Variants in TRERF1 observed in about 807,000 individuals in gnomAD.
TRERF1 encodes transcriptional-regulating factor 1.
Under a neutral mutation model 122.9 loss-of-function variants are expected in TRERF1, and 27 were observed. The ratio of observed to expected loss-of-function variants is 0.22; its 90% CI spans 0.16 to 0.30. The LOEUF is 0.30. Among genes scored for constraint, TRERF1 ranks in the 10% least tolerant of loss-of-function variants. The probability of loss-of-function intolerance (pLI) is 1.00; values close to 1 mark genes in which losing one functional copy is unlikely to be tolerated. For synonymous variants in TRERF1, 636 were observed against 641.7 expected (o/e 0.99, Z 0.13); for missense variants, 1,248 against 1,560.3 (o/e 0.80, Z 3.37).
intron 14 of TRERF1, 111 bp from the exon 15 acceptor site, chr6:42,243,472 T>C: frequency 1.4e-6 from 1 of 726,948 alleles, no homozygotes; most frequent in Non-Finnish European, 2.3e-6. Flanking sequence ...GTTTGTACAG[T>C]TCAAGAAAAA....
intron 2 of TRERF1, among the ~76,000 whole-genome samples, chr6:42,399,497 C>T (rs1244327610): frequency 2.6e-5 from 4 of 152,132 alleles, no homozygotes; most frequent in African/African-American, 9.7e-5. Context: ...GAAGCCAACA[C>T]CCAAATGCCA....
chr6:42,315,715 C>G (rs1006446242), intron 3 of TRERF1, among the ~76,000 whole-genome samples: 1 of 149,910 alleles, frequency 6.7e-6, no homozygotes, highest in Admixed American at 6.6e-5. Flanking sequence ...CACCCCCCCC[C>G]CCACCCACTG....
chr6:42,349,916 T>G (rs928029019), intron 3 of TRERF1, among the ~76,000 whole-genome samples: 6 of 152,226 alleles, frequency 3.9e-5, no homozygotes. Flanking sequence ...GCTGAAAATC[T>G]AATTTGGGAT....
rs2150060905 is a variant in TRERF1 at position 42,282,983 on chromosome 6, AC to A, written c.-258-13136del. ...TAACATTGACCTCACAGCCAACAGT[AC>A]TACAACTAATGCCTGAAAGGAGCTT... On this transcript the variant is annotated intron_variant, in intron 4 of 17. Transcript: ENST00000372922. Among the ~76,000 whole-genome samples the A allele has an allele frequency of 1.3e-5, 2 of 152,322 alleles. 1 individual carries two copies. The highest frequency in any genetic ancestry group is 4.1e-4 in the South Asian group (2 of 4,820).
At chr6:42,438,368 G>A (rs950897172) in intron 2 of TRERF1, among the ~76,000 whole-genome samples, 15 of 151,454 alleles carry the variant, frequency 9.9e-5, no homozygotes, top group Admixed American at 3.3e-4. Context: ...CCAGCACTTC[G>A]GGAGGCCAAG....
intron 3 of TRERF1, among the ~76,000 whole-genome samples, chr6:42,358,033 T>C (rs1377610475): frequency 6.6e-6 from 1 of 152,162 alleles, no homozygotes; most frequent in Admixed American, 6.5e-5. Flanking sequence ...CAAGCACCCC[T>C]TCCTTTCTGG....
chr6:42,405,650 C>G (rs1365305326), intron 2 of TRERF1, among the ~76,000 whole-genome samples: 1 of 151,866 alleles, frequency 6.6e-6, no homozygotes, highest in African/African-American at 2.4e-5. Context: ...CAAAAATTAG[C>G]CAGGCATGGT....
chr6:42,375,258 T>A (rs1288603258), intron 2 of TRERF1, among the ~76,000 whole-genome samples: 2 of 152,198 alleles, frequency 1.3e-5, no homozygotes. Flanking sequence ...AGATGCCTTC[T>A]GGCTGAAGAT....
chr6:42,290,746 T>C (rs1402922661), intron 4 of TRERF1, among the ~76,000 whole-genome samples: 31 of 134,296 alleles, frequency 2.3e-4, no homozygotes, highest in Non-Finnish European at 4.0e-4. Flanking sequence ...CTTTCCTTTT[T>C]TTTTTTTTTT....
intron 17 of TRERF1, among the ~76,000 whole-genome samples, chr6:42,230,765 C>A (rs1770391889): frequency 6.6e-6 from 1 of 152,194 alleles, no homozygotes; most frequent in African/African-American, 2.4e-5. Context: ...TCTCTCCCAT[C>A]CCTGTGCTTC....
exon 11 of TRERF1, chr6:42,257,086 A>T: frequency 6.2e-7 from 1 of 1,614,220 alleles, no homozygotes; most frequent in Non-Finnish European, 8.5e-7. Flanking sequence ...TGGAATCTCA[A>T]GCCAATGTTG....
At chr6:42,409,192 T>C (rs1780736911) in intron 2 of TRERF1, among the ~76,000 whole-genome samples, 1 of 151,982 alleles carries the variant, frequency 6.6e-6, no homozygotes, top group South Asian at 2.1e-4. Context: ...GGTGGGAAGA[T>C]TGCCTGCGCC....
In TRERF1 at chr6:42,269,085, T is replaced by A; in HGVS notation, c.506A>T (p.Gln169Leu). 1.2e-6 allele frequency: 2 copies of A among 1,614,204 alleles called. No individual in the cohort carries two copies. Among genetic ancestry groups the A allele is most frequent in the Non-Finnish European group, 1.7e-6 (2 of 1,180,030 alleles). ...AGGGGCTCCATCCATCACTGCTGAC[T>A]GAGTGTGCAGCACCTGGGCCATATT... Residue 169 changes from glutamine (Q) to leucine (L), a missense_variant, in exon 5 of 18, where the codon CAG becomes CTG. Transcript: ENST00000372922. The surrounding 1 kb of genome is among the most constrained non-coding windows in gnomAD (Gnocchi z 4.9).
At position 42,394,438 on chromosome 6, in the gene TRERF1, G is replaced by C. The variant is rs112473375; in HGVS notation, c.-453-31359C>G. Among the ~76,000 whole-genome samples the C allele has an allele frequency of 4.6e-3, 698 of 152,310 alleles. 4 individuals are homozygous for C. The highest frequency in any genetic ancestry group is 7.2e-3 in the Non-Finnish European group (493 of 68,034). On this transcript the variant is annotated intron_variant, in intron 2 of 17. Transcript: ENST00000372922. The stretch of plus-strand genomic sequence containing the variant: ...CCTCCATGTGCTGTGCAGTAAGCCA[G>C]GGCTTCACATACGGGACTGCAGATG...
chr6:42,430,722 C>T lies in TRERF1; in HGVS notation c.-454+20455G>A, dbSNP rs540951682. On this transcript the variant is annotated intron_variant, in intron 2 of 17. Coordinates refer to ENST00000372922, the Ensembl canonical transcript of TRERF1. ...CACCATCCTGGCCAACATGGTGAAA[C>T]CCCGTCTCTACTAAAATACAAAAAA... is the stretch of plus-strand genomic sequence containing the variant. 8.5e-4 allele frequency among the ~76,000 whole-genome samples: 129 copies of T among 152,242 alleles called. 1 individual carries two copies. Among genetic ancestry groups the T allele is most frequent in the Non-Finnish European group, 8.7e-4 (59 of 68,030 alleles).
intron 8 of TRERF1, among the ~76,000 whole-genome samples, chr6:42,262,364 AACATGCC>A (rs1468468493): frequency 6.6e-6 from 1 of 151,360 alleles, no homozygotes; most frequent in African/African-American, 2.4e-5. Context: ...AATATGACCC[AACATGCC>A]ACTTTGTGGG....
At position 42,275,621 on chromosome 6, in the gene TRERF1, C is replaced by T. The variant is rs971591574; in HGVS notation, c.-258-5773G>A. The stretch of plus-strand genomic sequence containing the variant: ...AAACGCTCACTGAACTGCAACACTG[C>T]GCTAGGCAAAGGAGACCTAGAGTGG... On this transcript the variant is annotated intron_variant, in intron 4 of 17. Coordinates refer to ENST00000372922, the Ensembl canonical transcript of TRERF1. The surrounding 1 kb of genome is among the most constrained non-coding windows in gnomAD (Gnocchi z 4.1). Among the ~76,000 whole-genome samples, 17 of 152,252 alleles carry T rather than the reference C, an allele frequency of 1.1e-4. No individual in the cohort carries two copies. Among genetic ancestry groups the T allele is most frequent in the African/African-American group, 3.1e-4 (13 of 41,472 alleles).
intron 3 of TRERF1, among the ~76,000 whole-genome samples, chr6:42,303,904 T>TTA (rs372672855): frequency 5.8e-5 from 4 of 69,262 alleles, no homozygotes; most frequent in African/African-American, 1.2e-4. Context: ...CACTGTCTCA[T>TTA]AAAAAAAAAA....
intron 3 of TRERF1, among the ~76,000 whole-genome samples, chr6:42,329,395 C>G (rs558811617): frequency 6.6e-6 from 1 of 152,174 alleles, no homozygotes; most frequent in East Asian, 2.0e-4. Context: ...CAAGGTGGGT[C>G]TTGGAACGCT....
Sources: allele counts gnomAD v4.1 joint callset (sites outside exome capture counted in the v4.1 genomes callset), GRCh38; gene constraint gnomAD v4.1.1; non-coding constraint Gnocchi (gnomAD v3.1); transcripts MANE v1.5; gene names NCBI Gene and HGNC (gene_info 2026-07-23, HGNC 2026-07-21).